Variants in RBMS3 observed in about 807,000 individuals in gnomAD.
RBMS3 encodes the protein RNA binding motif single stranded interacting protein 3, also known as RNA-binding motif, single-stranded-interacting protein 3.
Under a neutral mutation model 66.8 loss-of-function variants are expected in RBMS3, and 27 were observed. The ratio of observed to expected loss-of-function variants is 0.40; its 90% CI spans 0.30 to 0.56. The LOEUF is 0.56. Among genes scored for constraint, RBMS3 ranks in the 20% least tolerant of loss-of-function variants. RBMS3 has a pLI of 0.40. For missense variants in RBMS3, 513 were observed against 549.5 expected (o/e 0.93, Z 0.66); for synonymous variants, 188 against 183.0 (o/e 1.03, Z -0.22).
At chr3:29,287,044 A>G (rs2125415675) in intron 1 of RBMS3, among the ~76,000 whole-genome samples, 1 of 152,234 alleles carries the variant, frequency 6.6e-6, no homozygotes, top group East Asian at 1.9e-4. Flanking sequence ...GCACAGCAAG[A>G]GTGCAGATGG....
At chr3:29,516,462 G>T (rs1354297481) in intron 3 of RBMS3, among the ~76,000 whole-genome samples, 2 of 151,802 alleles carry the variant, frequency 1.3e-5, no homozygotes, top group African/African-American at 2.4e-5. Flanking sequence ...TTTGTTTTTT[G>T]GTTTTGTTTT....
intron 4 of RBMS3, among the ~76,000 whole-genome samples, chr3:29,667,151 G>A (rs920194513): frequency 6.6e-6 from 1 of 152,128 alleles, no homozygotes; most frequent in East Asian, 1.9e-4. Flanking sequence ...ATAACAAATG[G>A]AAAATATTGG....
Position 29,936,097 on chromosome 3 carries a change from T to G in RBMS3, c.951T>G (p.Ile317Met). The G allele has an allele frequency of 6.2e-7, 1 of 1,613,000 alleles. No individual in the cohort carries two copies. Among genetic ancestry groups the G allele is most frequent in the Non-Finnish European group, 8.5e-7 (1 of 1,179,370 alleles). The change falls in exon 11 of 15, where the codon ATT becomes ATG. Residue 317 changes from isoleucine to methionine, a missense_variant. Transcript: ENST00000383767. ...PYVMQPTGAV[I>M]TPTMDHPMSM... ...GTATATGCTTGTAGGGTGCTGTGAT[T>G]ACACCAACCATGGACCATCCCATGT...
At chr3:29,648,775 G>T (rs747251180) in intron 4 of RBMS3, among the ~76,000 whole-genome samples, 1 of 151,676 alleles carries the variant, frequency 6.6e-6, no homozygotes. Flanking sequence ...GCTTACCCCC[G>T]TCACTTCTAG....
chr3:29,734,795 G>A (rs899911739), intron 4 of RBMS3, among the ~76,000 whole-genome samples: 17 of 152,126 alleles, frequency 1.1e-4, no homozygotes, highest in African/African-American at 3.6e-4. Flanking sequence ...TTTGGTGTCC[G>A]TTGAGTGTAA....
intron 4 of RBMS3, among the ~76,000 whole-genome samples, chr3:29,739,324 C>T (rs528942821): frequency 4.3e-4 from 65 of 152,044 alleles, no homozygotes; most frequent in Non-Finnish European, 7.2e-4. Context: ...GGCGTGGTGG[C>T]GGGCGCCTGT....
chr3:29,699,600 C>T (rs998598248), intron 4 of RBMS3, among the ~76,000 whole-genome samples: 3 of 152,160 alleles, frequency 2.0e-5, no homozygotes, highest in Non-Finnish European at 4.4e-5. Flanking sequence ...ATGTATGTAA[C>T]TCATGTAGCC....
At chr3:29,413,009 G>A (rs1203437569) in intron 1 of RBMS3, among the ~76,000 whole-genome samples, 2 of 152,110 alleles carry the variant, frequency 1.3e-5, no homozygotes, top group Admixed American at 6.6e-5. Flanking sequence ...TAGGTTAGAC[G>A]GCACTGAAAA....
At chr3:29,759,705 C>T (rs2055578166) in intron 5 of RBMS3, among the ~76,000 whole-genome samples, 2 of 117,008 alleles carry the variant, frequency 1.7e-5, no homozygotes, top group Non-Finnish European at 3.6e-5. Flanking sequence ...CAAATATAGT[C>T]TCTTTCCTCC....
rs79731431 is a variant in RBMS3 at position 29,861,285 on chromosome 3, T to G, written c.638-7573T>G. On this transcript the variant is annotated intron_variant, in intron 6 of 14. Coordinates refer to ENST00000383767, the MANE Select transcript of RBMS3 (RefSeq NM_001003793.3). The stretch of plus-strand genomic sequence containing the variant: ...ATAAACTCACCTTGAATAAACTGCT[T>G]CTGTTGTCGTTAGCTTTTCTTCTCC... Among the ~76,000 whole-genome samples the G allele has an allele frequency of 1.0e-2, 1,522 of 152,312 alleles. 21 individuals carry two copies. Among genetic ancestry groups the G allele is most frequent in the African/African-American group, 0.033 (1,389 of 41,572 alleles).
At chr3:29,282,227 G>A (rs981749015) in intron 1 of RBMS3, among the ~76,000 whole-genome samples, 1 of 152,066 alleles carries the variant, frequency 6.6e-6, no homozygotes, top group African/African-American at 2.4e-5. Flanking sequence ...GGTATAGAAT[G>A]AAAGAAGGGT....
intron 4 of RBMS3, chr3:29,642,874 A>T (rs1456235687): frequency 1.3e-5 from 2 of 152,130 alleles, no homozygotes; most frequent in Non-Finnish European, 2.9e-5. Flanking sequence ...GCATTAAAAC[A>T]GAACCACTGG....
At chr3:29,856,819 T>A (rs1432061481) in intron 6 of RBMS3, among the ~76,000 whole-genome samples, 1 of 152,180 alleles carries the variant, frequency 6.6e-6, no homozygotes, top group Non-Finnish European at 1.5e-5. Flanking sequence ...ATTTTTATGA[T>A]TGCTTAGATT....
At chr3:29,604,210 T>C (rs2149122474) in intron 4 of RBMS3, among the ~76,000 whole-genome samples, 1 of 152,114 alleles carries the variant, frequency 6.6e-6, no homozygotes, top group East Asian at 1.9e-4. Context: ...CTCTCCATAA[T>C]TATTTTTTAC....
At chr3:29,957,221 C>A (rs1696103273) in intron 12 of RBMS3, among the ~76,000 whole-genome samples, 1 of 152,088 alleles carries the variant, frequency 6.6e-6, no homozygotes, top group South Asian at 2.1e-4. Context: ...ATTATCATTT[C>A]TCCCCTCTAG....
At chr3:29,559,940 G>A (rs1404479727) in intron 3 of RBMS3, among the ~76,000 whole-genome samples, 2 of 152,144 alleles carry the variant, frequency 1.3e-5, no homozygotes, top group Non-Finnish European at 2.9e-5. Flanking sequence ...AGGGCATTCT[G>A]ACATACAAAA....
At chr3:29,663,243 G>C (rs1242148588) in intron 4 of RBMS3, among the ~76,000 whole-genome samples, 1 of 141,804 alleles carries the variant, frequency 7.1e-6, no homozygotes, top group Non-Finnish European at 1.6e-5. Flanking sequence ...TCCTGAAAGA[G>C]AGAGAGAGAC....
intron 8 of RBMS3, among the ~76,000 whole-genome samples, chr3:29,887,744 A>T (rs2059906254): frequency 6.6e-6 from 1 of 151,818 alleles, no homozygotes; most frequent in Non-Finnish European, 1.5e-5. Context: ...TTAAGACAAA[A>T]AAAGATCAAG....
At chr3:29,389,242 T>A (rs1207721924) in intron 1 of RBMS3, among the ~76,000 whole-genome samples, 1 of 152,192 alleles carries the variant, frequency 6.6e-6, no homozygotes, top group Non-Finnish European at 1.5e-5. Flanking sequence ...AGTTTGGCTT[T>A]TTTATTTTCT....
Sources: gnomAD v4.1 joint callset for allele counts (sites outside exome capture counted in the v4.1 genomes callset) on GRCh38, gnomAD v4.1.1 for gene constraint, MANE v1.5 for transcripts, NCBI Gene and HGNC (gene_info 2026-07-23, HGNC 2026-07-21) for gene names.